Variants in VANGL1 observed in about 807,000 individuals in gnomAD.
VANGL1 encodes the protein VANGL planar cell polarity protein 1.
Under a neutral mutation model 48.4 loss-of-function variants are expected in VANGL1, and 18 were observed. The ratio of observed to expected loss-of-function variants is 0.37; its 90% CI spans 0.26 to 0.55. VANGL1 has a LOEUF of 0.55. VANGL1 is among the 20% of genes least tolerant of loss of function. The probability of loss-of-function intolerance (pLI) is 0.81; values close to 1 mark genes in which losing one functional copy is unlikely to be tolerated. For synonymous variants in VANGL1, 257 were observed against 261.8 expected (o/e 0.98, Z 0.18); for missense variants, 667 against 675.8 (o/e 0.99, Z 0.14).
intron 4 of VANGL1, among the ~76,000 whole-genome samples, chr1:115,680,303 G>A (rs1653337489): frequency 6.6e-6 from 1 of 152,076 alleles, no homozygotes; most frequent in Non-Finnish European, 1.5e-5. Context: ...CTTCTCCGTG[G>A]TTACTCAGCC....
At chr1:115,683,553 G>A (rs1653471255) in intron 5 of VANGL1, among the ~76,000 whole-genome samples, 1 of 152,032 alleles carries the variant, frequency 6.6e-6, no homozygotes, top group Non-Finnish European at 1.5e-5. Context: ...CTCTCATTCT[G>A]TCTCATTGTC....
chr1:115,650,258 C>T (rs919947904), intron 1 of VANGL1, among the ~76,000 whole-genome samples: 2 of 152,132 alleles, frequency 1.3e-5, no homozygotes, highest in Admixed American at 6.5e-5. Context: ...GCAGTTTCAG[C>T]TTCCAGCGGC....
chr1:115,685,543 C>G lies in VANGL1; in HGVS notation c.1314+16C>G, dbSNP rs375827825. The G allele has an allele frequency of 1.2e-6, 2 of 1,612,450 alleles. No individual in the cohort carries two copies. Among genetic ancestry groups the G allele is most frequent in the South Asian group, 2.2e-5 (2 of 90,914 alleles). On this transcript the variant is annotated intron_variant, in intron 7 of 7. Transcript: ENST00000355485. The stretch of plus-strand genomic sequence containing the variant: ...GACCCCCAAGGTGCGCTGCTCCGGG[C>G]GGGCTCTGCCACCGTCATCCTGGCT...
Position 115,659,623 on chromosome 1 carries a change from C to T in VANGL1, c.72-18C>T. ...AATTAACATGGCATAAATGTGCTAG[C>T]TCATTGTTGTTTTTCAGGGAAAGAA... is the stretch of plus-strand genomic sequence containing the variant. On this transcript the variant is annotated intron_variant, in intron 2 of 7. Coordinates refer to ENST00000355485, the MANE Select transcript of VANGL1 (RefSeq NM_138959.3). 6 of 1,613,834 alleles carry T rather than the reference C, an allele frequency of 3.7e-6. No individual in the cohort carries two copies. The highest frequency in any genetic ancestry group is 3.3e-4 in the Middle Eastern group (2 of 6,060).
At chr1:115,674,887 C>A (rs1465477361) in intron 4 of VANGL1, among the ~76,000 whole-genome samples, 1 of 152,056 alleles carries the variant, frequency 6.6e-6, no homozygotes, top group Admixed American at 6.5e-5. Context: ...ATTGCAGAAG[C>A]CACAATCAAG....
At chr1:115,646,654 C>T (rs1410913019) in intron 1 of VANGL1, among the ~76,000 whole-genome samples, 1 of 152,022 alleles carries the variant, frequency 6.6e-6, no homozygotes, top group African/African-American at 2.4e-5. Flanking sequence ...GCCACAAAAC[C>T]CTTCATTCAG....
chr1:115,686,366 C>T (rs901267446), intron 7 of VANGL1, among the ~76,000 whole-genome samples: 12 of 86,668 alleles, frequency 1.4e-4, no homozygotes, highest in East Asian at 3.1e-4. Context: ...AGCGAGACTC[C>T]GTCCAAAAAA....
chr1:115,679,757 C>A, intron 4 of VANGL1, among the ~76,000 whole-genome samples: 1 of 152,178 alleles, frequency 6.6e-6, no homozygotes. Context: ...CTGATGATTG[C>A]TTTTTAATTT....
At chr1:115,649,248 A>G (rs1476433505) in intron 1 of VANGL1, among the ~76,000 whole-genome samples, 1 of 152,180 alleles carries the variant, frequency 6.6e-6, no homozygotes, top group Non-Finnish European at 1.5e-5. Flanking sequence ...TAGCATTTAA[A>G]AAAGGCCTGC....
At chr1:115,687,041 T>A (rs1259112795) in intron 7 of VANGL1, among the ~76,000 whole-genome samples, 1 of 138,788 alleles carries the variant, frequency 7.2e-6, no homozygotes, top group African/African-American at 2.7e-5. Context: ...TATGTTGCAC[T>A]ATATGTGTAT....
At chr1:115,664,915 T>C (rs906109821) in intron 4 of VANGL1, among the ~76,000 whole-genome samples, 17 of 152,386 alleles carry the variant, frequency 1.1e-4, no homozygotes, top group Admixed American at 1.3e-4. Context: ...ACCATCATTT[T>C]ATTTGCTTCA....
At chr1:115,667,689 A>G (rs1404875960) in intron 4 of VANGL1, among the ~76,000 whole-genome samples, 1 of 151,984 alleles carries the variant, frequency 6.6e-6, no homozygotes, top group Non-Finnish European at 1.5e-5. Flanking sequence ...TTCCATACAC[A>G]CCTTGCTCGT....
At chr1:115,659,505 C>CTG (rs58894569) in intron 2 of VANGL1, 136 bp from the exon 3 acceptor site, 43,480 of 952,960 alleles carry the variant, frequency 0.046, 429 homozygotes, top group East Asian at 0.2. Flanking sequence ...TTTTGATGCT[C>CTG]TGTGTGTGTG....
chr1:115,688,708 A>G (rs562835570), intron 7 of VANGL1, among the ~76,000 whole-genome samples: 1 of 137,264 alleles, frequency 7.3e-6, no homozygotes, highest in East Asian at 2.0e-4. Context: ...CATACTCGGG[A>G]GCATTGGATG....
chr1:115,659,769 T>C lies in VANGL1; in HGVS notation c.200T>C (p.Val67Ala). The C allele has an allele frequency of 1.2e-6, 2 of 1,614,128 alleles. No homozygotes were observed. Among genetic ancestry groups the C allele is most frequent in the Non-Finnish European group, 1.7e-6 (2 of 1,180,018 alleles). The part of the protein sequence containing the change: ...LGNDSTRTEE[V>A]QDDNWGETTT... Reference sequence around the variant, plus strand: ...AATGATTCTACTCGGACAGAGGAAGTTCAGGTAAGGATCAAAGGTGGTCTG... The same window carrying C: ...AATGATTCTACTCGGACAGAGGAAGCTCAGGTAAGGATCAAAGGTGGTCTG... Residue 67 changes from valine (V) to alanine (A), a missense_variant, in exon 3 of 8, where the codon GTT becomes GCT. Physicochemically the swap from Val to Ala is moderately conservative, Grantham distance 64. Coordinates refer to ENST00000355485, the MANE Select transcript of VANGL1 (RefSeq NM_138959.3).
chr1:115,677,252 G>A (rs1490364380), intron 4 of VANGL1, among the ~76,000 whole-genome samples: 1 of 152,234 alleles, frequency 6.6e-6, no homozygotes, highest in African/African-American at 2.4e-5. Context: ...TTTAAGAAAT[G>A]TAGCCCAAGG....
At chr1:115,653,612 C>T (rs571672464) in intron 2 of VANGL1, among the ~76,000 whole-genome samples, 96 of 152,260 alleles carry the variant, frequency 6.3e-4, no homozygotes, top group African/African-American at 2.2e-3. Context: ...CTGACTTTCA[C>T]GCTTCGGGGC....
At chr1:115,691,057 T>C in intron 7 of VANGL1, 62 bp from the exon 8 acceptor site, 1 of 1,612,702 alleles carries the variant, frequency 6.2e-7, no homozygotes, top group Non-Finnish European at 8.5e-7. Context: ...GATAGCCGCC[T>C]GGCAGTACTG....
chr1:115,657,807 A>G (rs1262300535), intron 2 of VANGL1, among the ~76,000 whole-genome samples: 6 of 152,238 alleles, frequency 3.9e-5, no homozygotes. Flanking sequence ...TGGTACTGAC[A>G]TCTACTTGGC....
Sources: gnomAD v4.1 joint callset for allele counts (sites outside exome capture counted in the v4.1 genomes callset) on GRCh38, gnomAD v4.1.1 for gene constraint, MANE v1.5 for transcripts, NCBI Gene and HGNC (gene_info 2026-07-23, HGNC 2026-07-21) for gene names.